Variants in IGSF11 observed in about 807,000 individuals in gnomAD.
IGSF11 encodes the protein immunoglobulin superfamily member 11, also known as CXADR like 1.
Under a neutral mutation model 41.0 loss-of-function variants are expected in IGSF11, and 22 were observed. The observed-to-expected ratio is 0.54, with a 90% CI of 0.38 to 0.77. The LOEUF is 0.77. IGSF11 is among the 30% of genes least tolerant of loss of function. The probability of loss-of-function intolerance (pLI) is 0.00; values close to 1 mark genes in which losing one functional copy is unlikely to be tolerated. For missense variants in IGSF11, 444 were observed against 530.8 expected (o/e 0.84, Z 1.61); for synonymous variants, 219 against 201.3 (o/e 1.09, Z -0.74).
chr3:118,985,657 A>G (rs79494887), intron 1 of IGSF11, among the ~76,000 whole-genome samples: 3,986 of 152,218 alleles, frequency 0.026, 148 homozygotes, highest in African/African-American at 0.09. Context: ...CCTAAGAGTC[A>G]CCCTTGACAC....
chr3:119,060,297 C>T (rs1942012211), intron 1 of IGSF11, among the ~76,000 whole-genome samples: 1 of 152,044 alleles, frequency 6.6e-6, no homozygotes, highest in Admixed American at 6.5e-5. Context: ...GAGGAGGGTC[C>T]TACCTAATGA....
intron 1 of IGSF11, among the ~76,000 whole-genome samples, chr3:118,988,342 A>C (rs1559749247): frequency 6.6e-6 from 1 of 152,188 alleles, no homozygotes; most frequent in Non-Finnish European, 1.5e-5. Context: ...GCTACCCTAG[A>C]GATAATTCAG....
At chr3:119,045,665 C>T (rs1941314172) in intron 1 of IGSF11, among the ~76,000 whole-genome samples, 2 of 152,066 alleles carry the variant, frequency 1.3e-5, no homozygotes, top group Admixed American at 6.5e-5. Context: ...GCCTGCCTGC[C>T]TCTGTAGGCT....
intron 1 of IGSF11, among the ~76,000 whole-genome samples, chr3:118,961,424 C>A (rs1388251581): frequency 6.6e-6 from 1 of 152,028 alleles, no homozygotes; most frequent in African/African-American, 2.4e-5. Flanking sequence ...GGGCAATTTT[C>A]CTATATAAAA....
At chr3:119,006,202 T>A (rs1937482999) in intron 1 of IGSF11, among the ~76,000 whole-genome samples, 4 of 129,932 alleles carry the variant, frequency 3.1e-5, no homozygotes, top group Non-Finnish European at 3.1e-5. Context: ...TTCTCGCTTC[T>A]TTTCATTCAT....
chr3:118,959,094 T>C (rs1166888925), intron 1 of IGSF11, among the ~76,000 whole-genome samples: 1 of 152,148 alleles, frequency 6.6e-6, no homozygotes, highest in Non-Finnish European at 1.5e-5. Context: ...ATACATCATA[T>C]TAGATGTTAA....
chr3:119,141,086 G>GA (rs2077642573), intron 1 of IGSF11, among the ~76,000 whole-genome samples: 1 of 138,046 alleles, frequency 7.2e-6, no homozygotes, highest in Non-Finnish European at 1.6e-5. Context: ...TGCAATCACA[G>GA]TGAAATTAAA....
rs377746200 is a variant in IGSF11 at position 119,097,957 on chromosome 3, A to ATTTTTTTTTTTTTTTTTTTTTT, written c.49+7165_49+7186dup. Among the ~76,000 whole-genome samples, 31 of 58,364 alleles carry ATTTTTTTTTTTTTTTTTTTTTT rather than the reference A, an allele frequency of 5.3e-4. 5 individuals carry two copies. The highest frequency in any genetic ancestry group is 2.2e-3 in the East Asian group (4 of 1,832). 38.3% of individuals were successfully genotyped at this position (58,364 alleles called of 152,430 possible). On this transcript the variant is annotated intron_variant, in intron 1 of 6. Coordinates refer to the IGSF11 transcript ENST00000354673. ...AGGCACATGCCACCACATTCAGCTA[A>ATTTTTTTTTTTTTTTTTTTTTT]TTTTTTTTTTTTTTTTTTTTTTTTT...
At chr3:119,079,924 T>C (rs1169352951) in intron 1 of IGSF11, among the ~76,000 whole-genome samples, 1 of 152,152 alleles carries the variant, frequency 6.6e-6, no homozygotes, top group Non-Finnish European at 1.5e-5. Flanking sequence ...AAAGACTACC[T>C]ATCGGGTACT....
At chr3:119,112,209 G>T (rs1031492973) in intron 1 of IGSF11, among the ~76,000 whole-genome samples, 23 of 152,230 alleles carry the variant, frequency 1.5e-4, no homozygotes, top group Admixed American at 2.6e-4. Context: ...GGAGCCTACA[G>T]AGGCAGGCAG....
At chr3:118,993,623 G>A (rs1935994346) in intron 1 of IGSF11, among the ~76,000 whole-genome samples, 1 of 152,094 alleles carries the variant, frequency 6.6e-6, no homozygotes, top group Admixed American at 6.5e-5. Context: ...ATCAACTGAT[G>A]AATGAAAAAA....
rs548039597 is a variant in IGSF11, at chr3:119,012,029, C to G, written c.52+22502G>C. 6.5e-4 allele frequency among the ~76,000 whole-genome samples: 97 copies of G among 148,458 alleles called. 2 individuals are homozygous for G. Among genetic ancestry groups the G allele is most frequent in the East Asian group, 3.1e-3 (16 of 5,084 alleles). On this transcript the variant is annotated intron_variant, in intron 1 of 6. Transcript: ENST00000393775. ...TCTAGCAATATAGTGTACACACACA[C>G]AGAGAGAGAGAGAGAGCGTGAGTGC...
chr3:118,931,861 T>G (rs1010646024), intron 1 of IGSF11, among the ~76,000 whole-genome samples: 1 of 151,754 alleles, frequency 6.6e-6, no homozygotes, highest in Non-Finnish European at 1.5e-5. Flanking sequence ...GCCTCCCAAG[T>G]AGATGGGACT....
At chr3:118,977,515 A>C (rs897263591) in intron 1 of IGSF11, among the ~76,000 whole-genome samples, 3 of 152,236 alleles carry the variant, frequency 2.0e-5, no homozygotes, top group African/African-American at 7.2e-5. Context: ...GTGAGGAGAA[A>C]AATCACACTT....
chr3:118,944,335 C>G (rs1170675763), intron 1 of IGSF11, among the ~76,000 whole-genome samples: 6 of 152,088 alleles, frequency 3.9e-5, no homozygotes, highest in Admixed American at 3.9e-4. Flanking sequence ...CTTAATCTGA[C>G]CTTTGCCTGT....
chr3:119,005,592 C>T (rs1214863724), intron 1 of IGSF11, among the ~76,000 whole-genome samples: 1 of 120,676 alleles, frequency 8.3e-6, no homozygotes, highest in Non-Finnish European at 1.6e-5. Context: ...GATTTTGCAG[C>T]GGCTGGTACC....
chr3:119,106,175 A>G (rs1327723446), upstream of IGSF11, among the ~76,000 whole-genome samples: 2 of 152,188 alleles, frequency 1.3e-5, no homozygotes, highest in East Asian at 3.8e-4. Flanking sequence ...TGGCATATCC[A>G]TCACCTCAAG....
intron 6 of IGSF11, among the ~76,000 whole-genome samples, 176 bp from the exon 7 acceptor site, chr3:118,903,137 CA>C (rs1358723317): frequency 6.6e-6 from 1 of 152,134 alleles, no homozygotes; most frequent in Non-Finnish European, 1.5e-5. Flanking sequence ...CTTTGGTATC[CA>C]TTCCCTTTGA....
At chr3:118,929,397 A>G (rs1398908203) in intron 2 of IGSF11, among the ~76,000 whole-genome samples, 2 of 152,242 alleles carry the variant, frequency 1.3e-5, no homozygotes, top group Non-Finnish European at 2.9e-5. Context: ...CTATGAAGAA[A>G]CAAAAGAAGC....
Sources: gnomAD v4.1 joint callset for allele counts (sites outside exome capture counted in the v4.1 genomes callset) on GRCh38, gnomAD v4.1.1 for gene constraint, MANE v1.5 for transcripts, NCBI Gene and HGNC (gene_info 2026-07-23, HGNC 2026-07-21) for gene names.